The following SLCO1C1 variants were observed in gnomAD, a reference collection of about 807,000 sequenced individuals.
SLCO1C1 encodes solute carrier organic anion transporter family member 1C1.
SLCO1C1 carries 70 observed loss-of-function variants against 76.4 expected under a neutral mutation model. The observed-to-expected ratio is 0.92, with a 90% CI of 0.76 to 1.12. The LOEUF is 1.12. Ranked by LOEUF, SLCO1C1 falls within the 50% of genes most tolerant of loss-of-function variation. The probability of loss-of-function intolerance (pLI) is 0.00; values close to 1 mark genes in which losing one functional copy is unlikely to be tolerated. For missense variants in SLCO1C1, 912 were observed against 823.8 expected, an observed-to-expected ratio of 1.11 and a Z score of -1.31; for synonymous variants, 306 against 286.1, an observed-to-expected ratio of 1.07 and a Z score of -0.70.
chr12:20,723,739 T>C (rs1031227084), intron 9 of SLCO1C1, among the ~76,000 whole-genome samples: 1 of 152,052 alleles, frequency 6.6e-6, no homozygotes, highest in Non-Finnish European at 1.5e-5. Flanking sequence ...TATGAAGAAA[T>C]GAAAGAAGAG....
chr12:20,709,131 T>A (rs998883419), intron 4 of SLCO1C1, among the ~76,000 whole-genome samples: 3 of 152,252 alleles, frequency 2.0e-5, no homozygotes, highest in Admixed American at 2.0e-4. Context: ...AGTGCATCAG[T>A]CAGGATTTGA....
At position 20,742,577 on chromosome 12, in the gene SLCO1C1, A is replaced by T. The variant is rs146461200; in HGVS notation, c.1734-728A>T. On this transcript the variant is annotated intron_variant, in intron 12 of 14. Coordinates refer to ENST00000266509, the MANE Select transcript of SLCO1C1 (RefSeq NM_017435.5). ...TAGATGGAGTCTCGCTCTGTCACCC[A>T]GGCTGGAGGGCAGTGGCACAATCTC... is the stretch of plus-strand genomic sequence containing the variant. Among the ~76,000 whole-genome samples, 1,142 of 116,078 alleles carry T rather than the reference A, an allele frequency of 9.8e-3. 13 individuals carry two copies. Among genetic ancestry groups the T allele is most frequent in the African/African-American group, 0.027 (1,085 of 40,238 alleles). The allele number at this position is 116,078 out of a possible 152,430, so 76.2% of individuals were successfully genotyped here. A position where few individuals can be genotyped will look rare whatever the true frequency, so the allele number is the denominator to read the frequency against.
At chr12:20,724,447 ATATATGTGTGTGTGTGTG>A (rs1947852191) in intron 9 of SLCO1C1, among the ~76,000 whole-genome samples, 3 of 96,592 alleles carry the variant, frequency 3.1e-5, no homozygotes, top group Non-Finnish European at 6.2e-5. Flanking sequence ...ATATATATAT[ATATATGTGTGTGTGTGTG>A]TGTGTGTGTG....
chr12:20,715,812 G>A (rs1947336585), intron 6 of SLCO1C1, among the ~76,000 whole-genome samples: 1 of 152,106 alleles, frequency 6.6e-6, no homozygotes, highest in Non-Finnish European at 1.5e-5. Context: ...CAAGGCCTGA[G>A]GCTACCTCAT....
chr12:20,749,354 T>C (rs12371796), intron 13 of SLCO1C1, among the ~76,000 whole-genome samples: 69,603 of 152,040 alleles, frequency 0.46, 17,812 homozygotes, highest in South Asian at 0.63. Context: ...TATGGACTTG[T>C]GGTGGACTCC....
chr12:20,735,676 T>C (rs1948503395), intron 10 of SLCO1C1, among the ~76,000 whole-genome samples: 5 of 152,180 alleles, frequency 3.3e-5, no homozygotes, highest in Admixed American at 3.3e-4. Flanking sequence ...GTTTGTACTT[T>C]TGAGGTGACA....
chr12:20,735,974 C>G (rs1948517766), intron 10 of SLCO1C1, among the ~76,000 whole-genome samples: 1 of 151,940 alleles, frequency 6.6e-6, no homozygotes, highest in Admixed American at 6.6e-5. Context: ...TTAAGCTCCT[C>G]AGCTATCTTT....
At chr12:20,743,941 C>T (rs1948930421) in intron 13 of SLCO1C1, among the ~76,000 whole-genome samples, 1 of 151,556 alleles carries the variant, frequency 6.6e-6, no homozygotes, top group South Asian at 2.1e-4. Context: ...GTGAATGAGA[C>T]AAAGTTTTTA....
At chr12:20,704,025 GTTACT>G (rs1426576763) in intron 3 of SLCO1C1, among the ~76,000 whole-genome samples, 2 of 149,848 alleles carry the variant, frequency 1.3e-5, no homozygotes. Context: ...GCAAGAATAT[GTTACT>G]TTAAAGTTTG....
chr12:20,743,945 G>C (rs1378890972), intron 13 of SLCO1C1, among the ~76,000 whole-genome samples: 1 of 151,644 alleles, frequency 6.6e-6, no homozygotes, highest in African/African-American at 2.4e-5. Context: ...ATGAGACAAA[G>C]TTTTTATCCT....
chr12:20,713,111 G>C (rs1158881939), intron 5 of SLCO1C1, among the ~76,000 whole-genome samples: 1 of 143,332 alleles, frequency 7.0e-6, no homozygotes, highest in Non-Finnish European at 1.5e-5. Flanking sequence ...ACGGAGTCTC[G>C]CTCTGTCGCC....
intron 5 of SLCO1C1, among the ~76,000 whole-genome samples, chr12:20,712,749 C>T (rs1161911103): frequency 1.3e-5 from 2 of 152,016 alleles, no homozygotes; most frequent in African/African-American, 2.4e-5. Context: ...GGCAATGAAC[C>T]CCGGCTGTTT....
At chr12:20,719,424 G>T (rs899089567) in intron 7 of SLCO1C1, among the ~76,000 whole-genome samples, 4 of 152,120 alleles carry the variant, frequency 2.6e-5, no homozygotes, top group African/African-American at 4.8e-5. Flanking sequence ...AGCTAGAAAA[G>T]ATTAGGCTTA....
chr12:20,737,903 G>A (rs1306994320), intron 11 of SLCO1C1, among the ~76,000 whole-genome samples: 2 of 152,090 alleles, frequency 1.3e-5, no homozygotes, highest in South Asian at 2.1e-4. Context: ...CATAGAATGG[G>A]TGGCTTAAAC....
intron 4 of SLCO1C1, among the ~76,000 whole-genome samples, 184 bp downstream of exon 4, chr12:20,706,265 A>C (rs73240460): frequency 0.027 from 4,158 of 152,246 alleles, 195 homozygotes; most frequent in African/African-American, 0.097. Context: ...ATAAACTGTA[A>C]AAAATTGATA....
chr12:20,743,352 T>C lies in SLCO1C1; in HGVS notation c.1781T>C (p.Leu594Ser), dbSNP rs747902076. 2.5e-6 allele frequency: 4 copies of C among 1,612,954 alleles called. No homozygotes were observed. The highest frequency in any genetic ancestry group is 3.4e-6 in the Non-Finnish European group (4 of 1,179,336). The change falls in exon 13 of 15, where the codon TTA becomes TCA. Residue 594 changes from leucine (L) to serine (S), a missense_variant. Coordinates refer to ENST00000266509, the MANE Select transcript of SLCO1C1 (RefSeq NM_017435.5). ...TCTTTTGCCTTGGGTATCTACACAT[T>C]AGCAATAAGAGTTCTTGGTAAGTTT... is the stretch of plus-strand genomic sequence containing the variant. ...LKSFALGIYT[L>S]AIRVLAGIPA...
At chr12:20,702,483 T>C (rs770087589) in intron 3 of SLCO1C1, among the ~76,000 whole-genome samples, 57 of 151,950 alleles carry the variant, frequency 3.8e-4, no homozygotes, top group Non-Finnish European at 6.9e-4. Context: ...TTTAAAAATC[T>C]TTTTTTAAAA....
At chr12:20,705,781 A>C (rs1405430047) in intron 3 of SLCO1C1, among the ~76,000 whole-genome samples, 168 bp from the exon 4 acceptor site, 1 of 152,036 alleles carries the variant, frequency 6.6e-6, no homozygotes, top group Non-Finnish European at 1.5e-5. Context: ...AGTAATGAAC[A>C]TGAGAATTTC....
At chr12:20,740,447 G>T in intron 12 of SLCO1C1, 79 bp downstream of exon 12, 3 of 1,327,566 alleles carry the variant, frequency 2.3e-6, no homozygotes, top group Non-Finnish European at 2.1e-6. Flanking sequence ...TTTTTCTGTG[G>T]AGTCTATGAT....
Sources: allele counts gnomAD v4.1 joint callset (sites outside exome capture counted in the v4.1 genomes callset), GRCh38; gene constraint gnomAD v4.1.1; transcripts MANE v1.5; gene names NCBI Gene and HGNC (gene_info 2026-07-23, HGNC 2026-07-21).